PIAS2: variants seen among roughly 807,000 people sequenced by gnomAD.
PIAS2 encodes the protein protein inhibitor of activated STAT 2.
PIAS2 carries 19 observed loss-of-function variants against 69.7 expected under a neutral mutation model. The ratio of observed to expected loss-of-function variants is 0.27; its 90% CI spans 0.19 to 0.40. The LOEUF is 0.40. Ranked by LOEUF, PIAS2 falls within the 10% of genes least tolerant of loss-of-function variation. The pLI is 1.00. For synonymous variants in PIAS2, 261 were observed against 263.2 expected, an observed-to-expected ratio of 0.99 and a Z score of 0.08; for missense variants, 624 against 757.0, an observed-to-expected ratio of 0.82 and a Z score of 2.06.
intron 1 of PIAS2, chr18:46,907,669 G>A (rs2056782740): frequency 6.6e-6 from 1 of 152,118 alleles, no homozygotes; most frequent in South Asian, 2.1e-4. Context: ...GGTTTGAACT[G>A]TGCAGGTCCA....
intron 2 of PIAS2, among the ~76,000 whole-genome samples, chr18:46,887,597 T>G (rs1221765582): frequency 1.3e-5 from 2 of 152,250 alleles, no homozygotes; most frequent in African/African-American, 4.8e-5. Flanking sequence ...AGTCACATTG[T>G]AAGCAATTGA....
intron 3 of PIAS2, among the ~76,000 whole-genome samples, chr18:46,862,097 C>T (rs1015762177): frequency 2.0e-5 from 3 of 152,080 alleles, no homozygotes; most frequent in South Asian, 2.1e-4. Flanking sequence ...TTTGGGAGGC[C>T]GAACAGGTGG....
At chr18:46,909,460 C>T (rs1050126736) in intron 1 of PIAS2, among the ~76,000 whole-genome samples, 2 of 152,124 alleles carry the variant, frequency 1.3e-5, no homozygotes, top group African/African-American at 2.4e-5. Flanking sequence ...TTTACCCAGG[C>T]TGGTCTCAAA....
At chr18:46,820,880 A>T (rs1396721420) in intron 12 of PIAS2, 53 bp downstream of exon 12, 13 of 1,484,124 alleles carry the variant, frequency 8.8e-6, no homozygotes, top group South Asian at 7.7e-5. Context: ...GATTAAGATT[A>T]AAAAAAATAA....
At chr18:46,886,251 C>T (rs929470253) in intron 2 of PIAS2, among the ~76,000 whole-genome samples, 1 of 152,212 alleles carries the variant, frequency 6.6e-6, no homozygotes, top group Non-Finnish European at 1.5e-5. Flanking sequence ...CAAGCCATAT[C>T]ACTAGTCTGA....
chr18:46,854,096 G>A (rs759852617), intron 5 of PIAS2, among the ~76,000 whole-genome samples: 2 of 152,150 alleles, frequency 1.3e-5, no homozygotes, highest in East Asian at 3.9e-4. Context: ...CTGTGTATGC[G>A]ACAAATGAGA....
intron 13 of PIAS2, 118 bp from the exon 14 acceptor site, chr18:46,812,730 T>C: frequency 1.7e-6 from 1 of 593,444 alleles, no homozygotes; most frequent in Non-Finnish European, 2.9e-6. Flanking sequence ...CAGTGGGATT[T>C]AAAAATTGCT....
chr18:46,855,997 G>GTTTTTTTTT (rs1171297653), intron 3 of PIAS2, among the ~76,000 whole-genome samples: 30 of 67,964 alleles, frequency 4.4e-4, no homozygotes, highest in South Asian at 6.6e-4. Context: ...TTTTTCTTTT[G>GTTTTTTTTT]TTTTTTTTTT....
Position 46,807,383 on chromosome 18 carries a change from A to ATATATTTTTTTT in PIAS2, c.*5049_*5050insAAAAAAAATATA, listed in dbSNP as rs869149927. 4.3e-4 allele frequency: 5 copies of ATATATTTTTTTT among 11,600 alleles called. No homozygotes were observed. Among genetic ancestry groups the ATATATTTTTTTT allele is most frequent in the African/African-American group, 2.2e-3 (4 of 1,846 alleles). The allele number at this position is 11,600 out of a possible 1,614,324, so 0.7% of individuals were successfully genotyped here. ...TATATATATATATATATATATATATATTTTTTTTTTTTTTTTTTTTTTTTT... is the reference window on the plus strand; with the variant it reads ...TATATATATATATATATATATATATATATATTTTTTTTTTTTTTTTTTTTTTTTTTTTTTTTT... On this transcript the variant is annotated 3_prime_UTR_variant, in exon 14 of 14. Coordinates refer to ENST00000585916, the MANE Select transcript of PIAS2 (RefSeq NM_004671.5).
intron 1 of PIAS2, among the ~76,000 whole-genome samples, chr18:46,916,283 A>T (rs1002918731): frequency 1.3e-5 from 2 of 152,064 alleles, no homozygotes; most frequent in African/African-American, 4.8e-5. Flanking sequence ...TACAAAACTG[A>T]ACCTTTTACC....
intron 13 of PIAS2, among the ~76,000 whole-genome samples, chr18:46,813,015 T>C (rs2041127112): frequency 6.6e-6 from 1 of 152,196 alleles, no homozygotes; most frequent in Non-Finnish European, 1.5e-5. Context: ...CTTAATAACA[T>C]TTTTAAAAGT....
intron 1 of PIAS2, chr18:46,906,337 G>T (rs1364431930): frequency 7.3e-6 from 1 of 137,898 alleles, no homozygotes; most frequent in East Asian, 2.1e-4. Flanking sequence ...ATTAAGACAA[G>T]AAAAAGAAAG....
Position 46,807,521 on chromosome 18 carries a change from A to G in PIAS2, c.*4912T>C, listed in dbSNP as rs1464761155. ...ATTCTCCTGCCTCGGTCTCCCAAGTAGCTGGGACTACAGGCGCCTGCCATC... is the reference window on the plus strand; with the variant it reads ...ATTCTCCTGCCTCGGTCTCCCAAGTGGCTGGGACTACAGGCGCCTGCCATC... On this transcript the variant is annotated 3_prime_UTR_variant, in exon 14 of 14. Transcript: ENST00000585916. The G allele has an allele frequency of 4.1e-5, 6 of 147,904 alleles. No individual in the cohort carries two copies. The highest frequency in any genetic ancestry group is 1.5e-5 in the Non-Finnish European group (1 of 67,356). 9.2% of individuals were successfully genotyped at this position (147,904 alleles called of 1,614,324 possible). A position where few individuals can be genotyped will look rare whatever the true frequency, so the allele number is the denominator to read the frequency against.
At chr18:46,870,717 G>A (rs528726747) in intron 2 of PIAS2, among the ~76,000 whole-genome samples, 3 of 149,830 alleles carry the variant, frequency 2.0e-5, no homozygotes, top group Admixed American at 1.3e-4. Flanking sequence ...GGCCACAGCT[G>A]TATACTTGGG....
chr18:46,824,636 T>A (rs1002977428), intron 11 of PIAS2, among the ~76,000 whole-genome samples: 1 of 152,080 alleles, frequency 6.6e-6, no homozygotes, highest in African/African-American at 2.4e-5. Context: ...ATTTTTTGCT[T>A]TCTTCTTGGT....
rs1342682423 is a variant in PIAS2, at chr18:46,808,091, T to TG, written c.*4341dup. 9 of 152,176 alleles carry TG rather than the reference T, an allele frequency of 5.9e-5. No homozygotes were observed. Among genetic ancestry groups the TG allele is most frequent in the African/African-American group, 2.2e-4 (9 of 41,444 alleles). The allele number at this position is 152,176 out of a possible 1,614,324, so 9.4% of individuals were successfully genotyped here. A position where few individuals can be genotyped will look rare whatever the true frequency, so the allele number is the denominator to read the frequency against. On this transcript the variant is annotated 3_prime_UTR_variant, in exon 14 of 14. Transcript: ENST00000585916. ...ATGAAACATGGCACATCCATAACAATGGAGTACCATAAAATTAATAATAGT... is the reference window on the plus strand; with the variant it reads ...ATGAAACATGGCACATCCATAACAATGGGAGTACCATAAAATTAATAATAGT...
At chr18:46,914,276 T>C (rs1288648406) in intron 1 of PIAS2, among the ~76,000 whole-genome samples, 2 of 152,196 alleles carry the variant, frequency 1.3e-5, no homozygotes, top group African/African-American at 4.8e-5. Context: ...ATCAGGATAA[T>C]CTGCTGATCA....
rs2040685713 is a variant in PIAS2, at chr18:46,806,353, C to CTTTTATTTTTTTT, written c.*6079_*6080insAAAAAAAATAAAA. 1 of 60,176 alleles carries CTTTTATTTTTTTT rather than the reference C, an allele frequency of 1.7e-5. No homozygotes were observed. The highest frequency in any genetic ancestry group is 3.2e-5 in the Non-Finnish European group (1 of 30,792). The allele number at this position is 60,176 out of a possible 1,614,324, so 3.7% of individuals were successfully genotyped here. On this transcript the variant is annotated 3_prime_UTR_variant, in exon 14 of 14. Coordinates refer to ENST00000585916, the MANE Select transcript of PIAS2 (RefSeq NM_004671.5). ...AAAATTCTTTGCACAATGCCTGTTA[C>CTTTTATTTTTTTT]TTTTTTTTTTTTTTTTTTTTTTTTT...
At chr18:46,823,421 TAC>T (rs1324194401) in intron 11 of PIAS2, among the ~76,000 whole-genome samples, 1 of 152,162 alleles carries the variant, frequency 6.6e-6, no homozygotes, top group Non-Finnish European at 1.5e-5. Context: ...GAAATAGACT[TAC>T]ACGTAACAAC....
Sources: gnomAD v4.1 joint callset for allele counts (sites outside exome capture counted in the v4.1 genomes callset) on GRCh38, gnomAD v4.1.1 for gene constraint, MANE v1.5 for transcripts, NCBI Gene and HGNC (gene_info 2026-07-23, HGNC 2026-07-21) for gene names.